B3GAT2: variants seen among roughly 807,000 people sequenced by gnomAD.
The protein encoded by B3GAT2 is galactosylgalactosylxylosylprotein 3-beta-glucuronosyltransferase 2.
B3GAT2 carries 26 observed loss-of-function variants against 27.8 expected under a neutral mutation model. The observed-to-expected ratio is 0.93, with a 90% CI of 0.68 to 1.30. The LOEUF (loss-of-function observed/expected upper bound fraction) is 1.30, where lower values mean the gene tolerates loss of function less well. B3GAT2 is among the 50% of genes most tolerant of loss of function. The pLI is 0.00. For missense variants in B3GAT2, 458 were observed against 459.0 expected (o/e 1.00, Z 0.02); for synonymous variants, 218 against 195.1 (o/e 1.12, Z -0.98).
intron 1 of B3GAT2, among the ~76,000 whole-genome samples, chr6:70,948,529 G>A (rs1431434619): frequency 4.0e-5 from 6 of 151,556 alleles, no homozygotes; most frequent in African/African-American, 7.3e-5. Context: ...TACAAGGGAC[G>A]TGAAGGACCT....
chr6:70,952,031 C>A (rs1036892696), intron 1 of B3GAT2, among the ~76,000 whole-genome samples: 1 of 152,032 alleles, frequency 6.6e-6, no homozygotes, highest in African/African-American at 2.4e-5. Flanking sequence ...ATTGTAAACT[C>A]GTATATCCTT....
chr6:70,913,362 C>T (rs967478665), intron 1 of B3GAT2, among the ~76,000 whole-genome samples: 1 of 152,052 alleles, frequency 6.6e-6, no homozygotes, highest in African/African-American at 2.4e-5. Context: ...TATATTTTAT[C>T]TTTATTTTAG....
At position 70,859,143 on chromosome 6, in the gene B3GAT2, A is replaced by G. The variant is rs1442993445; in HGVS notation, c.*2520T>C. 1.2e-5 allele frequency: 6 copies of G among 513,018 alleles called. No individual in the cohort carries two copies. Among genetic ancestry groups the G allele is most frequent in the East Asian group, 6.4e-5 (2 of 31,370 alleles). The allele number at this position is 513,018 out of a possible 1,614,324, so 31.8% of individuals were successfully genotyped here. A position where few individuals can be genotyped will look rare whatever the true frequency, so the allele number is the denominator to read the frequency against. On this transcript the variant is annotated 3_prime_UTR_variant, in exon 4 of 4. Transcript: ENST00000230053. ...TCTAACATTAGCACAATCACTATAT[A>G]TCACAGTTAATTTTGCTACCACCAT...
intron 2 of B3GAT2, among the ~76,000 whole-genome samples, chr6:70,873,184 C>A (rs902026998): frequency 3.3e-5 from 5 of 152,094 alleles, no homozygotes; most frequent in Non-Finnish European, 5.9e-5. Flanking sequence ...CAGTTCCCGT[C>A]TAGCATCCTT....
chr6:70,901,486 G>C (rs1045073033), intron 1 of B3GAT2, among the ~76,000 whole-genome samples: 1 of 152,230 alleles, frequency 6.6e-6, no homozygotes, highest in African/African-American at 2.4e-5. Context: ...ACCCACATTG[G>C]TGTGTGTGTC....
intron 1 of B3GAT2, among the ~76,000 whole-genome samples, chr6:70,908,138 G>C (rs1237485161): frequency 2.0e-5 from 3 of 152,208 alleles, no homozygotes; most frequent in African/African-American, 7.2e-5. Context: ...GTATCAGGGA[G>C]AAGTGCAGCA....
intron 2 of B3GAT2, among the ~76,000 whole-genome samples, chr6:70,877,680 G>A (rs1397983753): frequency 2.6e-5 from 4 of 152,154 alleles, no homozygotes; most frequent in South Asian, 2.1e-4. Context: ...TGGTGGCGGC[G>A]GGGGTGGAGC....
At position 70,894,132 on chromosome 6, in the gene B3GAT2, C is replaced by A. The variant is rs1245024150; in HGVS notation, c.732G>T (p.Met244Ile). The A allele has an allele frequency of 6.2e-7, 1 of 1,609,822 alleles. No individual in the cohort carries two copies. The highest frequency in any genetic ancestry group is 1.1e-5 in the South Asian group (1 of 90,266). Residue 244 changes from methionine to isoleucine, a missense_variant, in exon 2 of 4, where the codon ATG becomes ATT. Coordinates refer to ENST00000230053, the MANE Select transcript of B3GAT2 (RefSeq NM_080742.3). ...WRADRPFAIDMAGFAVSLQVI... is the reference protein window; with the variant it reads ...WRADRPFAIDIAGFAVSLQVI... ...GTCATCACCCACACTGCTCACCTGC[C>A]ATGTCGATGGCAAAAGGCCTGTCTG...
At chr6:70,910,138 G>A (rs571839730) in intron 1 of B3GAT2, among the ~76,000 whole-genome samples, 2 of 152,296 alleles carry the variant, frequency 1.3e-5, no homozygotes, top group East Asian at 3.9e-4. Context: ...CTTCCAAAGT[G>A]CTGGGATTAC....
At chr6:70,891,755 T>C (rs1184887476) in intron 2 of B3GAT2, among the ~76,000 whole-genome samples, 1 of 141,698 alleles carries the variant, frequency 7.1e-6, no homozygotes, top group Non-Finnish European at 1.6e-5. Context: ...AGATTGTGTG[T>C]GTGTGTGTGT....
At chr6:70,893,293 G>A (rs1470583402) in intron 2 of B3GAT2, among the ~76,000 whole-genome samples, 1 of 152,160 alleles carries the variant, frequency 6.6e-6, no homozygotes, top group Non-Finnish European at 1.5e-5. Context: ...CACAGAAGAT[G>A]GGGCAAGCAC....
chr6:70,939,432 A>G (rs964463698), intron 1 of B3GAT2, among the ~76,000 whole-genome samples: 4 of 151,098 alleles, frequency 2.6e-5, no homozygotes, highest in Non-Finnish European at 5.9e-5. Flanking sequence ...ATGCTGCTAT[A>G]AAGACACATG....
Position 70,956,521 on chromosome 6 carries a change from AG to A in B3GAT2, c.-93del. ...TTGGACAGCGGCGGCGCCAGCACTT[AG>A]GGAGTGGTGATGGGTGCGCTGTCCA... On this transcript the variant is annotated 5_prime_UTR_variant, in exon 1 of 4. It removes the in-frame stop codon of an upstream open reading frame in the 5' UTR. Coordinates refer to ENST00000230053, the MANE Select transcript of B3GAT2 (RefSeq NM_080742.3). The A allele has an allele frequency of 6.5e-7, 1 of 1,532,312 alleles. No individual in the cohort carries two copies. The highest frequency in any genetic ancestry group is 1.4e-5 in the African/African-American group (1 of 72,902). The allele number at this position is 1,532,312 out of a possible 1,614,324, so 94.9% of individuals were successfully genotyped here.
At chr6:70,867,590 G>C (rs1326802903) in intron 2 of B3GAT2, among the ~76,000 whole-genome samples, 2 of 152,058 alleles carry the variant, frequency 1.3e-5, no homozygotes, top group Non-Finnish European at 2.9e-5. Context: ...GTCCTTGAAA[G>C]ACAAGCTACA....
In B3GAT2 at chr6:70,859,265, C is replaced by A; in HGVS notation, c.*2398G>T. The A allele has an allele frequency of 8.4e-7, 1 of 1,192,352 alleles. No individual in the cohort carries two copies. 73.9% of individuals were successfully genotyped at this position (1,192,352 alleles called of 1,614,324 possible). A position where few individuals can be genotyped will look rare whatever the true frequency, so the allele number is the denominator to read the frequency against. ...GTCACATGGTCAACATGCTGAAGCA[C>A]ACCCAGCTCAGGTTAAGGTGCTAGA... is the stretch of plus-strand genomic sequence containing the variant. On this transcript the variant is annotated 3_prime_UTR_variant, in exon 4 of 4. Coordinates refer to ENST00000230053, the MANE Select transcript of B3GAT2 (RefSeq NM_080742.3).
At position 70,957,000 on chromosome 6, in the gene B3GAT2, G is replaced by A; in HGVS notation, c.-571C>T. The A allele has an allele frequency of 1.0e-6, 1 of 1,000,720 alleles. No homozygotes were observed. Among genetic ancestry groups the A allele is most frequent in the Non-Finnish European group, 1.2e-6 (1 of 840,588 alleles). The allele number at this position is 1,000,720 out of a possible 1,614,324, so 62.0% of individuals were successfully genotyped here. A position where few individuals can be genotyped will look rare whatever the true frequency, so the allele number is the denominator to read the frequency against. Reference sequence around the variant, plus strand: ...GTCCCGGCTGTGTTCGCGCGCCGCAGCGGAAGCCTGCTCTCAGTCCCTTGC... The same window carrying A: ...GTCCCGGCTGTGTTCGCGCGCCGCAACGGAAGCCTGCTCTCAGTCCCTTGC... On this transcript the variant is annotated 5_prime_UTR_variant, in exon 1 of 4. Coordinates refer to ENST00000230053, the MANE Select transcript of B3GAT2 (RefSeq NM_080742.3).
At chr6:70,949,676 T>C (rs1004819221) in intron 1 of B3GAT2, among the ~76,000 whole-genome samples, 9 of 151,666 alleles carry the variant, frequency 5.9e-5, no homozygotes, top group East Asian at 1.9e-4. Context: ...ACTAGAAATA[T>C]CATTTGATCC....
chr6:70,859,965 A>C lies in B3GAT2; in HGVS notation c.*1698T>G. 2.6e-6 allele frequency: 1 copy of C among 380,454 alleles called. No individual in the cohort carries two copies. Among genetic ancestry groups the C allele is most frequent in the Non-Finnish European group, 4.6e-6 (1 of 218,022 alleles). The allele number at this position is 380,454 out of a possible 1,614,324, so 23.6% of individuals were successfully genotyped here. ...ATTAAAATCCCAAGATTGCTTTGGT[A>C]TTTTTTTTTAAGTAAGTTGTGGTTA... On this transcript the variant is annotated 3_prime_UTR_variant, in exon 4 of 4. Transcript: ENST00000230053.
intron 1 of B3GAT2, among the ~76,000 whole-genome samples, chr6:70,933,404 A>T (rs1773090913): frequency 6.6e-6 from 1 of 152,152 alleles, no homozygotes; most frequent in Non-Finnish European, 1.5e-5. Context: ...ATTAAAATAA[A>T]TTTTCATTAA....
Sources: allele counts gnomAD v4.1 joint callset (sites outside exome capture counted in the v4.1 genomes callset), GRCh38; gene constraint gnomAD v4.1.1; transcripts MANE v1.5; gene names NCBI Gene and HGNC (gene_info 2026-07-23, HGNC 2026-07-21).